Variants in ZW10 observed in about 807,000 individuals in gnomAD.
ZW10 encodes centromere/kinetochore protein zw10 homolog.
ZW10 carries 53 observed loss-of-function variants against 87.8 expected under a neutral mutation model. The ratio of observed to expected loss-of-function variants is 0.60; its 90% CI spans 0.48 to 0.76. ZW10 has a LOEUF of 0.76. Ranked by LOEUF, ZW10 falls within the 30% of genes least tolerant of loss-of-function variation. The pLI is 0.00. For synonymous variants in ZW10, 312 were observed against 329.2 expected (o/e 0.95, Z 0.57); for missense variants, 837 against 923.0 (o/e 0.91, Z 1.21).
intron 6 of ZW10, 108 bp from the exon 7 acceptor site, chr11:113,757,961 G>A: frequency 3.4e-6 from 3 of 880,842 alleles, no homozygotes; most frequent in Non-Finnish European, 4.8e-6. Flanking sequence ...CGAGGCAGGT[G>A]GATCATCTGA....
intron 15 of ZW10, 142 bp downstream of exon 15, chr11:113,736,478 A>T: frequency 1.3e-6 from 1 of 760,266 alleles, no homozygotes; most frequent in Non-Finnish European, 2.2e-6. Flanking sequence ...TAGATCATGA[A>T]AAGGCCCCAG....
chr11:113,763,658 CTTCTT>C (rs1953885066), intron 2 of ZW10, among the ~76,000 whole-genome samples: 1 of 152,116 alleles, frequency 6.6e-6, no homozygotes, highest in Non-Finnish European at 1.5e-5. Flanking sequence ...GCATAAATGT[CTTCTT>C]TTGAGAAGTG....
At chr11:113,763,224 C>A (rs1043392491) in intron 2 of ZW10, among the ~76,000 whole-genome samples, 2 of 152,200 alleles carry the variant, frequency 1.3e-5, no homozygotes, top group Admixed American at 6.5e-5. Flanking sequence ...GCATAGTATT[C>A]CATGGTGTAT....
chr11:113,757,923 C>A, intron 6 of ZW10, 70 bp from the exon 7 acceptor site: 1 of 1,307,218 alleles, frequency 7.6e-7, no homozygotes, highest in Non-Finnish European at 1.0e-6. Context: ...CAGTGGCTTA[C>A]ATCTGTAATC....
At chr11:113,734,147 AG>A (rs1451104136) in intron 15 of ZW10, among the ~76,000 whole-genome samples, 1 of 152,228 alleles carries the variant, frequency 6.6e-6, no homozygotes, top group African/African-American at 2.4e-5. Context: ...AAGTAACCAC[AG>A]GCAACCAATT....
At position 113,772,770 on chromosome 11, in the gene ZW10, C is replaced by G. The variant is rs551878370; in HGVS notation, c.105+792G>C. Among the ~76,000 whole-genome samples, 7 of 146,414 alleles carry G rather than the reference C, an allele frequency of 4.8e-5. No homozygotes were observed. In the East Asian group the frequency reaches 1.4e-3, roughly 30 times the overall value. On this transcript the variant is annotated intron_variant, in intron 1 of 15. Transcript: ENST00000200135. The stretch of plus-strand genomic sequence containing the variant: ...GGTGGATCACCTGAGGTCAAGAGTT[C>G]GAGACCAGTCTGGCCAACATGGTGA...
Position 113,760,370 on chromosome 11 carries a change from T to A in ZW10, c.421-2A>T. ...TAATAACTTCAAGCATTTCTGTGCC[T>A]GGTAACGAAATGGAATCACTGTTAA... On this transcript the variant is annotated splice_acceptor_variant, in intron 4 of 15. Coordinates refer to ENST00000200135, the MANE Select transcript of ZW10 (RefSeq NM_004724.4). LOFTEE classifies it high-confidence loss of function. 1 of 1,613,670 alleles carries A rather than the reference T, an allele frequency of 6.2e-7. No homozygotes were observed. The highest frequency in any genetic ancestry group is 8.5e-7 in the Non-Finnish European group (1 of 1,179,890).
chr11:113,734,317 T>C (rs994245072), intron 15 of ZW10, among the ~76,000 whole-genome samples: 3 of 152,226 alleles, frequency 2.0e-5, no homozygotes, highest in Non-Finnish European at 4.4e-5. Context: ...TCAACATCAT[T>C]AGAATTTAGG....
At chr11:113,734,319 GA>G (rs1220946029) in intron 15 of ZW10, among the ~76,000 whole-genome samples, 1 of 152,200 alleles carries the variant, frequency 6.6e-6, no homozygotes, top group African/African-American at 2.4e-5. Flanking sequence ...AACATCATTA[GA>G]ATTTAGGGAA....
At chr11:113,751,566 A>G (rs893957060) in intron 7 of ZW10, among the ~76,000 whole-genome samples, 2 of 152,138 alleles carry the variant, frequency 1.3e-5, no homozygotes, top group African/African-American at 4.8e-5. Flanking sequence ...AAAAATTCAG[A>G]TTTATTGGAA....
intron 5 of ZW10, 100 bp downstream of exon 5, chr11:113,760,105 TATGA>T: frequency 1.5e-6 from 2 of 1,345,358 alleles, no homozygotes; most frequent in Non-Finnish European, 2.0e-6. Flanking sequence ...CATGGAAGAT[TATGA>T]ATGAACCCTC....
At chr11:113,736,565 T>G (rs1472028780) in intron 15 of ZW10, 55 bp downstream of exon 15, 1 of 1,574,740 alleles carries the variant, frequency 6.4e-7, no homozygotes, top group Non-Finnish European at 8.7e-7. Flanking sequence ...AAGGGCACTA[T>G]TACTCTCTTG....
At chr11:113,762,170 T>A (rs1332539870) in intron 2 of ZW10, among the ~76,000 whole-genome samples, 2 of 152,200 alleles carry the variant, frequency 1.3e-5, no homozygotes, top group African/African-American at 4.8e-5. Flanking sequence ...CTAGGCTATA[T>A]AAAACTATTG....
Position 113,760,827 on chromosome 11 carries a change from T to G in ZW10, c.332A>C (p.Gln111Pro), listed in dbSNP as rs756053872. The change falls in exon 3 of 16, where the codon CAG (glutamine) becomes CCG (proline). Residue 111 changes from glutamine to proline, a missense_variant. By Grantham distance (76) the Gln-to-Pro change is moderately conservative. Transcript: ENST00000200135. The part of the protein sequence containing the change: ...RDSVVLSLLK[Q>P]LQEFSTAIEE... ...GTTGAGTTTACTGACCTCCTGCAAC[T>G]GTTTAAGCAAACTTAGGACAACTGA... 1.9e-5 allele frequency: 30 copies of G among 1,613,868 alleles called. No homozygotes were observed. Among genetic ancestry groups the G allele is most frequent in the Non-Finnish European group, 9.3e-6 (11 of 1,179,962 alleles).
At chr11:113,754,043 T>C (rs1953758634) in intron 7 of ZW10, among the ~76,000 whole-genome samples, 1 of 151,016 alleles carries the variant, frequency 6.6e-6, no homozygotes, top group Non-Finnish European at 1.5e-5. Context: ...TAACCTTCTA[T>C]TGGAAGAATA....
intron 5 of ZW10, 84 bp downstream of exon 5, chr11:113,760,125 C>A: frequency 6.8e-7 from 1 of 1,467,136 alleles, no homozygotes; most frequent in East Asian, 2.3e-5. Flanking sequence ...CCCTCATCTA[C>A]TAATACAAAA....
At chr11:113,741,193 T>C (rs1953614369) in intron 11 of ZW10, among the ~76,000 whole-genome samples, 5 of 152,102 alleles carry the variant, frequency 3.3e-5, no homozygotes, top group African/African-American at 9.7e-5. Context: ...TTGCTCAAAC[T>C]AATCTCAAAC....
intron 9 of ZW10, 118 bp from the exon 10 acceptor site, chr11:113,744,158 C>A: frequency 4.0e-6 from 3 of 753,044 alleles, no homozygotes; most frequent in Non-Finnish European, 4.2e-6. Context: ...GAGGCCGAGG[C>A]GGGCAGATCA....
intron 2 of ZW10, 126 bp downstream of exon 2, chr11:113,768,707 T>C: frequency 1.0e-6 from 1 of 980,460 alleles, no homozygotes; most frequent in African/African-American, 1.6e-5. Context: ...AATCATTTAG[T>C]TCAATCTCCA....
Sources: allele counts gnomAD v4.1 joint callset (sites outside exome capture counted in the v4.1 genomes callset), GRCh38; gene constraint gnomAD v4.1.1; transcripts MANE v1.5; gene names NCBI Gene and HGNC (gene_info 2026-07-23, HGNC 2026-07-21).